Variants in CA9 observed in about 807,000 individuals in gnomAD.
The protein encoded by CA9 is CA-IX.
Under a neutral mutation model 51.8 loss-of-function variants are expected in CA9, and 43 were observed. The observed-to-expected ratio is 0.83, with a 90% CI of 0.65 to 1.07. The LOEUF is 1.07. Among genes scored for constraint, CA9 ranks in the 50% least tolerant of loss-of-function variants. The pLI is 0.00. For missense variants in CA9, 574 were observed against 581.4 expected (o/e 0.99, Z 0.13); for synonymous variants, 253 against 244.2 (o/e 1.04, Z -0.34).
At position 35,681,131 on chromosome 9, in the gene CA9, A is replaced by T. The variant is rs1824544909; in HGVS notation, c.*106A>T. On this transcript the variant is annotated 3_prime_UTR_variant, in exon 11 of 11. Coordinates refer to ENST00000378357, the MANE Select transcript of CA9 (RefSeq NM_001216.3). ...GCCACTTCCTTTTAACTGCCAAGAA[A>T]TTTTTTAAAATAAATATTTATAATA... is the stretch of plus-strand genomic sequence containing the variant. The T allele has an allele frequency of 4.6e-6, 3 of 656,290 alleles. No homozygotes were observed. The South Asian group carries it at 9.0e-5, about 20-fold the overall frequency. The allele number at this position is 656,290 out of a possible 1,614,324, so 40.7% of individuals were successfully genotyped here. A position where few individuals can be genotyped will look rare whatever the true frequency, so the allele number is the denominator to read the frequency against.
At chr9:35,675,346 G>T (rs1369024924) in intron 1 of CA9, 192 bp from the exon 2 acceptor site, 6 of 635,070 alleles carry the variant, frequency 9.4e-6, no homozygotes, top group African/African-American at 1.8e-5. Context: ...CAAGCTGGTA[G>T]GATTGCTGTT....
intron 3 of CA9, 58 bp from the exon 4 acceptor site, chr9:35,676,006 C>T: frequency 6.2e-7 from 1 of 1,605,058 alleles, no homozygotes; most frequent in South Asian, 1.1e-5. Flanking sequence ...CAGTGCCTGC[C>T]CGGGGGTTGG....
Position 35,676,450 on chromosome 9 carries a change from T to C in CA9, c.840+61T>C, listed in dbSNP as rs1194224217. 2.9e-6 allele frequency: 4 copies of C among 1,365,800 alleles called. No homozygotes were observed. The African/African-American group carries it at 4.3e-5, about 15-fold the overall frequency. 84.6% of individuals were successfully genotyped at this position (1,365,800 alleles called of 1,614,324 possible). On this transcript the variant is annotated intron_variant, in intron 5 of 10. Coordinates refer to ENST00000378357, the MANE Select transcript of CA9 (RefSeq NM_001216.3). ...CCCATCCCATGCTCCTCCCGGACTCTATCGTGGAGCCAGAGACCCCATCCC... is the reference window on the plus strand; with the variant it reads ...CCCATCCCATGCTCCTCCCGGACTCCATCGTGGAGCCAGAGACCCCATCCC...
Position 35,681,125 on chromosome 9 carries a change from C to G in CA9, c.*100C>G, listed in dbSNP as rs1048638. The stretch of plus-strand genomic sequence containing the variant: ...CATTATGCCACTTCCTTTTAACTGC[C>G]AAGAAATTTTTTAAAATAAATATTT... On this transcript the variant is annotated 3_prime_UTR_variant, in exon 11 of 11. Coordinates refer to ENST00000378357, the MANE Select transcript of CA9 (RefSeq NM_001216.3). The G allele has an allele frequency of 5.2e-6, 4 of 776,310 alleles. No homozygotes were observed. The highest frequency in any genetic ancestry group is 2.6e-5 in the South Asian group (1 of 38,322). The allele number at this position is 776,310 out of a possible 1,614,324, so 48.1% of individuals were successfully genotyped here.
At chr9:35,678,323 G>A (rs1407908955) in intron 6 of CA9, among the ~76,000 whole-genome samples, 3 of 142,724 alleles carry the variant, frequency 2.1e-5, no homozygotes, top group Non-Finnish European at 4.5e-5. Flanking sequence ...TCCAGCCTGG[G>A]CAACAGAGCG....
chr9:35,680,168 T>C (rs1462537414), intron 9 of CA9, 29 bp downstream of exon 9: 3 of 1,613,978 alleles, frequency 1.9e-6, no homozygotes, highest in Non-Finnish European at 1.7e-6. Flanking sequence ...TTGGTCCTGA[T>C]GCCAGGAGAC....
Position 35,676,137 on chromosome 9 carries a change from T to G in CA9, c.678T>G (p.His226Gln). Residue 226 changes from histidine to glutamine, a missense_variant, in exon 4 of 11, where the codon CAT (histidine) becomes CAG (glutamine). By Grantham distance (24) the His-to-Gln change is conservative. Coordinates refer to ENST00000378357, the MANE Select transcript of CA9 (RefSeq NM_001216.3). Reference sequence around the variant, plus strand: ...GGGAGTACCGGGCTCTGCAGCTGCATCTGCACTGGGGGGCTGCAGGTCGTC... The same window carrying G: ...GGGAGTACCGGGCTCTGCAGCTGCAGCTGCACTGGGGGGCTGCAGGTCGTC... The part of the protein sequence containing the change: ...PGREYRALQL[H>Q]LHWGAAGRPG... The G allele has an allele frequency of 6.2e-7, 1 of 1,613,560 alleles. No individual in the cohort carries two copies. Among genetic ancestry groups the G allele is most frequent in the South Asian group, 1.1e-5 (1 of 91,032 alleles).
At chr9:35,679,426 C>G (rs1297172407) in intron 7 of CA9, 84 bp downstream of exon 7, 1 of 1,499,198 alleles carries the variant, frequency 6.7e-7, no homozygotes, top group Non-Finnish European at 9.0e-7. Flanking sequence ...AGAAAGAAAT[C>G]AAGGCTGGGC....
At chr9:35,678,153 T>C (rs1359920920) in intron 6 of CA9, among the ~76,000 whole-genome samples, 1 of 152,040 alleles carries the variant, frequency 6.6e-6, no homozygotes, top group Non-Finnish European at 1.5e-5. Flanking sequence ...AAGACCATCC[T>C]GGCCAACATG....
At chr9:35,675,311 T>G in intron 1 of CA9, 2 of 596,470 alleles carry the variant, frequency 3.4e-6, no homozygotes, top group Non-Finnish European at 3.0e-6. Context: ...GCCACTCACT[T>G]TTACAGACCC....
At position 35,676,070 on chromosome 9, in the gene CA9, T is replaced by C. The variant is rs1380937833; in HGVS notation, c.611T>C (p.Leu204Pro). ...RLRNNGHSVQLTLPPGLEMAL... is the reference protein window; with the variant it reads ...RLRNNGHSVQPTLPPGLEMAL... Reference sequence around the variant, plus strand: ...CTTGCCTCTCCCTACGCAGTGCAACTGACCCTGCCTCCTGGGCTAGAGATG... The same window carrying C: ...CTTGCCTCTCCCTACGCAGTGCAACCGACCCTGCCTCCTGGGCTAGAGATG... Residue 204 changes from leucine to proline, a missense_variant, in exon 4 of 11, where the codon CTG becomes CCG. Transcript: ENST00000378357. 1.9e-6 allele frequency: 3 copies of C among 1,613,064 alleles called. No homozygotes were observed. The highest frequency in any genetic ancestry group is 2.5e-6 in the Non-Finnish European group (3 of 1,179,766).
rs866801817 is a variant in CA9, at chr9:35,675,878, G to A, written c.551G>A (p.Gly184Asp). The A allele has an allele frequency of 1.9e-6, 3 of 1,606,346 alleles. No homozygotes were observed. The highest frequency in any genetic ancestry group is 1.7e-6 in the Non-Finnish European group (2 of 1,179,074). The change falls in exon 3 of 11, where the codon GGC becomes GAC. Residue 184 changes from glycine (G) to aspartate (D), a missense_variant. Coordinates refer to ENST00000378357, the MANE Select transcript of CA9 (RefSeq NM_001216.3). ...CPALRPLELL[G>D]FQLPPLPELR... ...GCCCTGCGCCCCCTGGAACTCCTGG[G>A]CTTCCAGCTCCCGCCGCTCCCAGAA...
At chr9:35,677,718 C>T (rs1824452341) in intron 5 of CA9, 72 bp from the exon 6 acceptor site, 2 of 1,166,698 alleles carry the variant, frequency 1.7e-6, no homozygotes, top group African/African-American at 1.5e-5. Context: ...ATGGGAACCC[C>T]CCTTCATGTT....
chr9:35,680,587 T>A (rs1824526035), intron 9 of CA9, 166 bp from the exon 10 acceptor site: 2 of 625,124 alleles, frequency 3.2e-6, no homozygotes, highest in African/African-American at 1.8e-5. Context: ...TTACCCCTTC[T>A]CGTGTATCCA....
intron 9 of CA9, 110 bp downstream of exon 9, chr9:35,680,249 C>A: frequency 8.3e-7 from 1 of 1,210,194 alleles, no homozygotes; most frequent in Non-Finnish European, 1.2e-6. Flanking sequence ...GCAGAACAGA[C>A]CCCAACCCCA....
At position 35,680,162 on chromosome 9, in the gene CA9, T is replaced by A. The variant is rs752797845; in HGVS notation, c.1237+23T>A. 3 of 1,613,948 alleles carry A rather than the reference T, an allele frequency of 1.9e-6. No homozygotes were observed. In the East Asian group the frequency reaches 6.7e-5, roughly 36 times the overall value. On this transcript the variant is annotated intron_variant, in intron 9 of 10. Transcript: ENST00000378357. ...CTGGTGAGTCTGCCCCTCCTCTTGG[T>A]CCTGATGCCAGGAGACTCCTCAGCA...
Position 35,680,979 on chromosome 9 carries a change from G to A in CA9, c.1334G>A (p.Gly445Glu). 6.2e-7 allele frequency: 1 copy of A among 1,614,108 alleles called. No individual in the cohort carries two copies. The highest frequency in any genetic ancestry group is 8.5e-7 in the Non-Finnish European group (1 of 1,180,014). ...TGTACACACAGAAGGGGAACCAAAGGGGGTGTGAGCTACCGCCCAGCAGAG... is the reference window on the plus strand; with the variant it reads ...TGTACACACAGAAGGGGAACCAAAGAGGGTGTGAGCTACCGCCCAGCAGAG... ...MRRQHRRGTKGGVSYRPAEVA... is the reference protein window; with the variant it reads ...MRRQHRRGTKEGVSYRPAEVA... The change falls in exon 11 of 11, where the codon GGG becomes GAG. Residue 445 changes from glycine (G) to glutamate (E), a missense_variant. Gly to Glu is a moderately conservative substitution (Grantham distance 98). Coordinates refer to ENST00000378357, the MANE Select transcript of CA9 (RefSeq NM_001216.3).
chr9:35,677,568 T>C (rs988766965), intron 5 of CA9, among the ~76,000 whole-genome samples: 2 of 151,650 alleles, frequency 1.3e-5, no homozygotes, highest in African/African-American at 4.8e-5. Context: ...CAAGAGTACA[T>C]AGAGTTTGAA....
rs548199907 is a variant in CA9 at position 35,674,054 on chromosome 9, T to G, written c.95T>G (p.Leu32Arg). ...CAACTGCTGCTGTCACTGCTGCTTCTGGTGCCTGTCCATCCCCAGAGGTTG... is the reference window on the plus strand; with the variant it reads ...CAACTGCTGCTGTCACTGCTGCTTCGGGTGCCTGTCCATCCCCAGAGGTTG... ...TVQLLLSLLL[L>R]VPVHPQRLPR... The change falls in exon 1 of 11, where the codon CTG becomes CGG. Residue 32 changes from leucine (L) to arginine (R), a missense_variant. By Grantham distance (102) the Leu-to-Arg change is moderately radical (BLOSUM62 -2). Coordinates refer to ENST00000378357, the MANE Select transcript of CA9 (RefSeq NM_001216.3). The G allele has an allele frequency of 3.1e-6, 5 of 1,614,224 alleles. No individual in the cohort carries two copies. Among genetic ancestry groups the G allele is most frequent in the Admixed American group, 1.7e-5 (1 of 60,032 alleles).
Sources: allele counts gnomAD v4.1 joint callset (sites outside exome capture counted in the v4.1 genomes callset), GRCh38; gene constraint gnomAD v4.1.1; transcripts MANE v1.5; gene names NCBI Gene and HGNC (gene_info 2026-07-23, HGNC 2026-07-21).